Variants in NDUFV2 observed in about 807,000 individuals in gnomAD.
NDUFV2 encodes NADH dehydrogenase [ubiquinone] flavoprotein 2, mitochondrial.
A neutral mutation model predicts 31.6 loss-of-function variants in NDUFV2; 18 were observed. The observed-to-expected ratio is 0.57, with a 90% CI of 0.39 to 0.84. The LOEUF is 0.84. Among genes scored for constraint, NDUFV2 ranks in the 40% least tolerant of loss-of-function variants. The pLI, the probability that NDUFV2 is intolerant of heterozygous loss-of-function variation, is 0.00. For synonymous variants in NDUFV2, 83 were observed against 99.8 expected (o/e 0.83, Z 1.01); for missense variants, 314 against 303.6 (o/e 1.03, Z -0.26).
intron 4 of NDUFV2, 33 bp downstream of exon 4, chr18:9,119,623 G>C (rs770629582): frequency 2.7e-6 from 4 of 1,491,336 alleles, no homozygotes; most frequent in South Asian, 2.3e-5. Context: ...AGTTCTAAAA[G>C]AGAAGAGATT....
chr18:9,103,117 A>C, intron 1 of NDUFV2: 1 of 404,660 alleles, frequency 2.5e-6, no homozygotes, highest in East Asian at 3.6e-5. Flanking sequence ...TGCTCTGGCC[A>C]GATCAGTTTC....
intron 1 of NDUFV2, among the ~76,000 whole-genome samples, chr18:9,108,784 G>A (rs1356971468): frequency 6.7e-6 from 1 of 150,368 alleles, no homozygotes; most frequent in East Asian, 2.0e-4. Flanking sequence ...TCTGCCTCCC[G>A]GGTTCAAGCG....
At chr18:9,129,677 C>T (rs1050421064) in intron 7 of NDUFV2, among the ~76,000 whole-genome samples, 1 of 151,944 alleles carries the variant, frequency 6.6e-6, no homozygotes, top group Non-Finnish European at 1.5e-5. Flanking sequence ...GAACAATGTT[C>T]CAGGGAGGGG....
chr18:9,106,188 C>T (rs2077840976), intron 1 of NDUFV2, among the ~76,000 whole-genome samples: 1 of 152,162 alleles, frequency 6.6e-6, no homozygotes, highest in Non-Finnish European at 1.5e-5. Flanking sequence ...TATAGGGCTC[C>T]CTCCCCCTTT....
intron 1 of NDUFV2, 84 bp downstream of exon 1, chr18:9,102,881 C>T: frequency 1.4e-6 from 2 of 1,427,462 alleles, no homozygotes; most frequent in Non-Finnish European, 1.9e-6. Flanking sequence ...CGCAGGAGAG[C>T]CCTGGGCTCT....
At position 9,119,469 on chromosome 18, in the gene NDUFV2, T is replaced by C. The variant is rs1317472809; in HGVS notation, c.184-5T>C. 1 of 1,612,342 alleles carries C rather than the reference T, an allele frequency of 6.2e-7. No individual in the cohort carries two copies. The highest frequency in any genetic ancestry group is 8.5e-7 in the Non-Finnish European group (1 of 1,178,656). On this transcript the variant is annotated splice_polypyrimidine_tract_variant and splice_region_variant and intron_variant, in intron 3 of 7. Coordinates refer to ENST00000318388, the MANE Select transcript of NDUFV2 (RefSeq NM_021074.5). ...GTATAAAATGATGTTCTTTCTTTTA[T>C]ACAGAGGATAGAGGCAATTGTAAAA...
At chr18:9,104,102 C>T in intron 1 of NDUFV2, 7 of 1,596,936 alleles carry the variant, frequency 4.4e-6, no homozygotes, top group Non-Finnish European at 6.0e-6. Flanking sequence ...AAGATTTTTC[C>T]TGAAGGTAAT....
intron 7 of NDUFV2, chr18:9,132,238 TTATTGTTCCGGAAACTTCA>T (rs2143112047): frequency 6.6e-6 from 1 of 152,336 alleles, no homozygotes; most frequent in East Asian, 1.9e-4. Flanking sequence ...ATTCTCCCAT[TTATTGTTCCGGAAACTTCA>T]GTTTTTATAA....
At position 9,119,459 on chromosome 18, in the gene NDUFV2, C is replaced by T; in HGVS notation, c.184-15C>T. ...TTTTCTAGATGTATAAAATGATGTT[C>T]TTTCTTTTATACAGAGGATAGAGGC... On this transcript the variant is annotated splice_polypyrimidine_tract_variant and intron_variant, in intron 3 of 7. Transcript: ENST00000318388. 1 of 1,610,502 alleles carries T rather than the reference C, an allele frequency of 6.2e-7. No individual in the cohort carries two copies. Among genetic ancestry groups the T allele is most frequent in the Non-Finnish European group, 8.5e-7 (1 of 1,177,026 alleles).
intron 1 of NDUFV2, among the ~76,000 whole-genome samples, chr18:9,105,796 C>A (rs1402710093): frequency 6.6e-6 from 1 of 152,180 alleles, no homozygotes. Flanking sequence ...AAGTCAGCGA[C>A]CCATCTGTAT....
intron 4 of NDUFV2, among the ~76,000 whole-genome samples, chr18:9,120,918 A>G (rs2077930593): frequency 6.6e-6 from 1 of 152,184 alleles, no homozygotes; most frequent in Non-Finnish European, 1.5e-5. Context: ...GCACGTTAGC[A>G]GAGCAAAATA....
At position 9,117,847 on chromosome 18, in the gene NDUFV2, G is replaced by A. The variant is rs557695781; in HGVS notation, c.64G>A (p.Val22Ile). The change falls in exon 2 of 8, where the codon GTA (valine) becomes ATA (isoleucine). Residue 22 changes from valine (V) to isoleucine (I), a missense_variant. Val to Ile is a conservative substitution (Grantham distance 29, BLOSUM62 3). Transcript: ENST00000318388. The stretch of plus-strand genomic sequence containing the variant: ...AAATTTTAAATTTTAGGGAAGACAT[G>A]TAAGGAATTTGCATAAGACAGTTAT... ...AGLTAHWGRH[V>I]RNLHKTVMQN... 2.1e-5 allele frequency: 33 copies of A among 1,594,874 alleles called. No individual in the cohort carries two copies. In the South Asian group the frequency reaches 3.7e-4, roughly 18 times the overall value.
At chr18:9,111,326 C>G (rs1206073567) in intron 1 of NDUFV2, among the ~76,000 whole-genome samples, 1 of 152,174 alleles carries the variant, frequency 6.6e-6, no homozygotes, top group Non-Finnish European at 1.5e-5. Flanking sequence ...AAGCTTAGTG[C>G]CTGACACATA....
chr18:9,124,733 C>G (rs2077972999), intron 5 of NDUFV2, 141 bp from the exon 6 acceptor site: 1 of 750,718 alleles, frequency 1.3e-6, no homozygotes, highest in Admixed American at 3.0e-5. Context: ...CAGGCGTGAG[C>G]CACCGCGCCT....
chr18:9,108,519 G>A (rs1345994675), intron 1 of NDUFV2, among the ~76,000 whole-genome samples: 2 of 152,100 alleles, frequency 1.3e-5, no homozygotes, highest in African/African-American at 4.8e-5. Flanking sequence ...TGGTAGGCTT[G>A]CTGAGAGGAA....
chr18:9,112,083 A>G (rs1031016095), intron 1 of NDUFV2, among the ~76,000 whole-genome samples: 15 of 143,578 alleles, frequency 1.0e-4, no homozygotes, highest in African/African-American at 3.2e-4. Context: ...CAGTGGCTCG[A>G]TCTCAGCTCA....
intron 1 of NDUFV2, among the ~76,000 whole-genome samples, chr18:9,111,285 A>T (rs187370941): frequency 9.2e-5 from 14 of 152,328 alleles, no homozygotes; most frequent in African/African-American, 3.4e-4. Context: ...CCCACCTTGC[A>T]GGAAACTTTA....
intron 5 of NDUFV2, among the ~76,000 whole-genome samples, 193 bp downstream of exon 5, chr18:9,122,874 A>C (rs1488530660): frequency 1.3e-5 from 2 of 152,316 alleles, no homozygotes; most frequent in East Asian, 3.9e-4. Flanking sequence ...CTTAGTGTTA[A>C]AGCTGAGTTT....
At chr18:9,109,667 T>C (rs563836416) in intron 1 of NDUFV2, among the ~76,000 whole-genome samples, 1 of 152,344 alleles carries the variant, frequency 6.6e-6, no homozygotes, top group Non-Finnish European at 1.5e-5. Flanking sequence ...GAGCCTGGGC[T>C]CAAAATCCAG....
Sources: gnomAD v4.1 joint callset for allele counts (sites outside exome capture counted in the v4.1 genomes callset) on GRCh38, gnomAD v4.1.1 for gene constraint, MANE v1.5 for transcripts, NCBI Gene and HGNC (gene_info 2026-07-23, HGNC 2026-07-21) for gene names.